STXBP6: variants seen among roughly 807,000 people sequenced by gnomAD.
STXBP6 encodes syntaxin binding protein 6.
STXBP6 carries 21 observed loss-of-function variants against 26.9 expected under a neutral mutation model. That is an observed-to-expected ratio of 0.78 (90% CI 0.55 to 1.12). STXBP6 has a LOEUF of 1.12. Among genes scored for constraint, STXBP6 ranks in the 50% most tolerant of loss-of-function variants. The probability of loss-of-function intolerance (pLI) is 0.00; values close to 1 mark genes in which losing one functional copy is unlikely to be tolerated. For missense variants in STXBP6, 232 were observed against 257.9 expected (o/e 0.90, Z 0.69); for synonymous variants, 97 against 92.6 (o/e 1.05, Z -0.27).
intron 4 of STXBP6, among the ~76,000 whole-genome samples, chr14:24,844,300 C>A (rs1011612832): frequency 1.3e-5 from 2 of 152,210 alleles, no homozygotes; most frequent in Non-Finnish European, 2.9e-5. Flanking sequence ...TTATAATACA[C>A]CTGTACATGT....
intron 4 of STXBP6, among the ~76,000 whole-genome samples, chr14:24,824,335 G>C (rs2068222741): frequency 6.6e-6 from 1 of 152,136 alleles, no homozygotes; most frequent in Non-Finnish European, 1.5e-5. Context: ...TCAGTTGCAT[G>C]ATAATCATGA....
intron 1 of STXBP6, among the ~76,000 whole-genome samples, chr14:25,042,227 C>G (rs2075654394): frequency 6.6e-6 from 1 of 152,178 alleles, no homozygotes; most frequent in Non-Finnish European, 1.5e-5. Context: ...TTCCCCAAGC[C>G]AGCACTGTAG....
chr14:24,902,716 C>G (rs1025961628), intron 2 of STXBP6, among the ~76,000 whole-genome samples: 1 of 152,114 alleles, frequency 6.6e-6, no homozygotes, highest in African/African-American at 2.4e-5. Flanking sequence ...CCTAACAGAA[C>G]AGAAAAATGT....
intron 2 of STXBP6, among the ~76,000 whole-genome samples, chr14:24,936,701 A>G (rs180744385): frequency 8.5e-5 from 13 of 152,262 alleles, no homozygotes; most frequent in Admixed American, 7.8e-4. Context: ...AAGTGTTCCT[A>G]TTTCTCTACA....
intron 1 of STXBP6, among the ~76,000 whole-genome samples, chr14:24,998,168 T>C (rs2074654777): frequency 1.3e-5 from 2 of 152,204 alleles, no homozygotes; most frequent in South Asian, 4.1e-4. Flanking sequence ...TGTCCAATAC[T>C]AGGTATTATC....
chr14:24,989,651 T>C (rs374342608), intron 1 of STXBP6, among the ~76,000 whole-genome samples: 1 of 152,322 alleles, frequency 6.6e-6, no homozygotes, highest in African/African-American at 2.4e-5. Context: ...GCCTAATGTA[T>C]GAAGGTGAGG....
At chr14:24,826,495 C>T (rs749367708) in intron 4 of STXBP6, among the ~76,000 whole-genome samples, 2 of 152,166 alleles carry the variant, frequency 1.3e-5, no homozygotes, top group Non-Finnish European at 2.9e-5. Context: ...CATGAACATT[C>T]GTGAAGGAGG....
chr14:24,883,045 T>C (rs1232923302), intron 2 of STXBP6, among the ~76,000 whole-genome samples: 1 of 152,228 alleles, frequency 6.6e-6, no homozygotes, highest in African/African-American at 2.4e-5. Context: ...CATTCTGTTG[T>C]ATTTTCACAT....
chr14:25,017,874 G>A (rs980421015), intron 1 of STXBP6, among the ~76,000 whole-genome samples: 5 of 151,676 alleles, frequency 3.3e-5, no homozygotes, highest in East Asian at 1.9e-4. Flanking sequence ...TGCCTCACCC[G>A]TTGAGTGTGA....
chr14:24,984,075 T>C (rs1254133134), intron 1 of STXBP6, among the ~76,000 whole-genome samples: 2 of 151,984 alleles, frequency 1.3e-5, no homozygotes, highest in Non-Finnish European at 2.9e-5. Context: ...CTAGTAAAAA[T>C]ACAAAAATTA....
intron 1 of STXBP6, among the ~76,000 whole-genome samples, chr14:25,035,619 A>T (rs2075537231): frequency 6.6e-6 from 1 of 152,256 alleles, no homozygotes; most frequent in South Asian, 2.1e-4. Context: ...ACAGGAATTA[A>T]ATGTGGCATA....
chr14:24,851,639 C>G (rs1448007162), intron 4 of STXBP6, among the ~76,000 whole-genome samples: 1 of 152,066 alleles, frequency 6.6e-6, no homozygotes, highest in African/African-American at 2.4e-5. Context: ...ACACGTATAA[C>G]AGTATAACAT....
chr14:24,924,437 T>G (rs930815086), intron 2 of STXBP6, among the ~76,000 whole-genome samples: 1 of 152,298 alleles, frequency 6.6e-6, no homozygotes, highest in Admixed American at 6.5e-5. Context: ...GTAATGCAAT[T>G]TTCTTCACAG....
chr14:25,040,675 C>A (rs1424886532), intron 1 of STXBP6, among the ~76,000 whole-genome samples: 1 of 152,128 alleles, frequency 6.6e-6, no homozygotes, highest in East Asian at 1.9e-4. Flanking sequence ...GAAGGGGAAT[C>A]ACAGAAGAAA....
chr14:24,992,620 T>C, intron 1 of STXBP6, among the ~76,000 whole-genome samples: 1 of 152,160 alleles, frequency 6.6e-6, no homozygotes, highest in East Asian at 1.9e-4. Context: ...CGTCACTGCG[T>C]TCTAGTAAAA....
chr14:24,884,977 G>C (rs2070519163), intron 2 of STXBP6, among the ~76,000 whole-genome samples: 1 of 152,146 alleles, frequency 6.6e-6, no homozygotes, highest in Non-Finnish European at 1.5e-5. Flanking sequence ...AAACACAAGA[G>C]ACTGCTTTTC....
intron 1 of STXBP6, among the ~76,000 whole-genome samples, chr14:24,980,078 C>T (rs1444449355): frequency 1.3e-5 from 2 of 152,120 alleles, no homozygotes; most frequent in Admixed American, 6.6e-5. Flanking sequence ...CCCTTAAAAG[C>T]CACAATATAG....
chr14:24,870,911 A>C (rs2069907067), intron 2 of STXBP6, among the ~76,000 whole-genome samples: 1 of 152,248 alleles, frequency 6.6e-6, no homozygotes, highest in Non-Finnish European at 1.5e-5. Flanking sequence ...TGGACTGGTC[A>C]GTACTGCTAT....
At position 24,890,340 on chromosome 14, in the gene STXBP6, T is replaced by C. The variant is rs550399601; in HGVS notation, c.155-33183A>G. The stretch of plus-strand genomic sequence containing the variant: ...TACACAAAGGTAAACTGGAAGGAGG[T>C]TGGCATGGATGTGGGATAATTCACA... On this transcript the variant is annotated intron_variant, in intron 2 of 5. Transcript: ENST00000323944. Among the ~76,000 whole-genome samples the C allele has an allele frequency of 1.6e-4, 25 of 152,220 alleles. No homozygotes were observed. In the Middle Eastern group the frequency reaches 0.01, roughly 62 times the overall value.
Sources: allele counts gnomAD v4.1 joint callset (sites outside exome capture counted in the v4.1 genomes callset), GRCh38; gene constraint gnomAD v4.1.1; transcripts MANE v1.5; gene names NCBI Gene and HGNC (gene_info 2026-07-23, HGNC 2026-07-21).